The following FAM222B variants were observed in gnomAD, a reference collection of about 807,000 sequenced individuals.
FAM222B encodes the protein protein FAM222B.
FAM222B carries 12 observed loss-of-function variants against 38.0 expected under a neutral mutation model. The observed-to-expected ratio is 0.32, with a 90% CI of 0.20 to 0.51. The LOEUF is 0.51. Ranked by LOEUF, FAM222B falls within the 20% of genes least tolerant of loss-of-function variation. FAM222B has a pLI of 0.97. For missense variants in FAM222B, 716 were observed against 754.2 expected (o/e 0.95, Z 0.59); for synonymous variants, 329 against 317.2 (o/e 1.04, Z -0.40).
chr17:28,817,523 C>T (rs2038067740), intron 1 of FAM222B, among the ~76,000 whole-genome samples: 1 of 152,130 alleles, frequency 6.6e-6, no homozygotes, highest in South Asian at 2.1e-4. Context: ...GAGTTCGAGA[C>T]CAGCCAGGCC....
At chr17:28,796,527 G>A (rs1445397803) in intron 1 of FAM222B, among the ~76,000 whole-genome samples, 1 of 152,094 alleles carries the variant, frequency 6.6e-6, no homozygotes, top group African/African-American at 2.4e-5. Context: ...AAAGCACTGT[G>A]GTCTGATCTC....
At chr17:28,769,432 C>A (rs951454726) in intron 1 of FAM222B, among the ~76,000 whole-genome samples, 2 of 151,618 alleles carry the variant, frequency 1.3e-5, no homozygotes, top group African/African-American at 2.4e-5. Flanking sequence ...CCGCCCGCCT[C>A]GGCCTCCCAA....
At chr17:28,784,936 T>G (rs2036337729) in intron 1 of FAM222B, among the ~76,000 whole-genome samples, 1 of 151,728 alleles carries the variant, frequency 6.6e-6, no homozygotes, top group Non-Finnish European at 1.5e-5. Flanking sequence ...TTTTCCTTTA[T>G]GTAGAGATGG....
At chr17:28,843,781 G>A (rs1461784801), upstream of FAM222B, among the ~76,000 whole-genome samples, 1 of 151,996 alleles carries the variant, frequency 6.6e-6, no homozygotes, top group Non-Finnish European at 1.5e-5. Flanking sequence ...ATCGTGTCTA[G>A]AATGTATCGG....
chr17:28,851,912 C>T (rs112082513), intron 1 of FAM222B, among the ~76,000 whole-genome samples: 1 of 150,386 alleles, frequency 6.6e-6, no homozygotes, highest in African/African-American at 2.4e-5. Flanking sequence ...ATTAGCTGGG[C>T]GTGGTCAGGC....
At chr17:28,852,572 T>C (rs35033748) in intron 1 of FAM222B, among the ~76,000 whole-genome samples, 38,977 of 150,594 alleles carry the variant, frequency 0.26, 5,614 homozygotes, top group African/African-American at 0.37. Flanking sequence ...GTCTGGGAGG[T>C]GGAGGTTGCA....
At chr17:28,836,311 A>G (rs1178351490) in intron 1 of FAM222B, among the ~76,000 whole-genome samples, 1 of 151,802 alleles carries the variant, frequency 6.6e-6, no homozygotes, top group Non-Finnish European at 1.5e-5. Context: ...TAAATGACCT[A>G]TATTTTCCCA....
chr17:28,795,472 T>C (rs2036897786), intron 1 of FAM222B, among the ~76,000 whole-genome samples: 1 of 152,216 alleles, frequency 6.6e-6, no homozygotes, highest in Non-Finnish European at 1.5e-5. Flanking sequence ...TCTCACTCTG[T>C]TGCCCGGGCT....
intron 1 of FAM222B, among the ~76,000 whole-genome samples, chr17:28,835,191 C>T (rs1037542667): frequency 6.6e-6 from 1 of 151,944 alleles, no homozygotes; most frequent in Non-Finnish European, 1.5e-5. Flanking sequence ...ATTACAGGCA[C>T]CTGCCACCAC....
At chr17:28,794,317 C>A (rs1436117126) in intron 1 of FAM222B, among the ~76,000 whole-genome samples, 1 of 151,546 alleles carries the variant, frequency 6.6e-6, no homozygotes, top group Admixed American at 6.6e-5. Flanking sequence ...CTCCCGGGTT[C>A]AAGCAATTCT....
intron 1 of FAM222B, among the ~76,000 whole-genome samples, chr17:28,813,176 G>A (rs562501611): frequency 6.8e-6 from 1 of 147,706 alleles, no homozygotes; most frequent in East Asian, 2.0e-4. Context: ...ACACATAGTT[G>A]GCTCCAACCT....
chr17:28,815,494 G>C (rs543215786), intron 1 of FAM222B, among the ~76,000 whole-genome samples: 1 of 151,810 alleles, frequency 6.6e-6, no homozygotes, highest in East Asian at 2.0e-4. Context: ...GATTACAGGC[G>C]TGAGCCACCG....
intron 1 of FAM222B, among the ~76,000 whole-genome samples, chr17:28,836,414 CGGGCTTGTAGCA>C (rs1395580574): frequency 2.0e-5 from 3 of 151,962 alleles, no homozygotes; most frequent in Non-Finnish European, 4.4e-5. Flanking sequence ...GGCCATGAGG[CGGGCTTGTAGCA>C]GGACAAGCCA....
chr17:28,818,578 A>G (rs926758171), intron 1 of FAM222B, among the ~76,000 whole-genome samples: 4 of 151,840 alleles, frequency 2.6e-5, no homozygotes, highest in Non-Finnish European at 5.9e-5. Context: ...ATAAAAATAA[A>G]AATAACAAGA....
intron 1 of FAM222B, among the ~76,000 whole-genome samples, chr17:28,778,063 GTAT>G (rs1363771626): frequency 7.0e-6 from 1 of 142,744 alleles, no homozygotes; most frequent in Non-Finnish European, 1.5e-5. Flanking sequence ...GTATTGAAAA[GTAT>G]TATTTGGCCT....
At chr17:28,801,028 G>C (rs1347647395) in intron 1 of FAM222B, among the ~76,000 whole-genome samples, 1 of 151,736 alleles carries the variant, frequency 6.6e-6, no homozygotes, top group Non-Finnish European at 1.5e-5. Context: ...CGTGGTGGCA[G>C]GCGCCTGTAA....
chr17:28,766,116 G>A (rs553431490), intron 2 of FAM222B, among the ~76,000 whole-genome samples: 2 of 152,032 alleles, frequency 1.3e-5, no homozygotes, highest in African/African-American at 2.4e-5. Context: ...AAAGCTATCA[G>A]CAACAATTAA....
At chr17:28,767,372 G>A (rs1488534176) in intron 1 of FAM222B, among the ~76,000 whole-genome samples, 1 of 152,178 alleles carries the variant, frequency 6.6e-6, no homozygotes, top group Non-Finnish European at 1.5e-5. Flanking sequence ...TGGCCAGGCT[G>A]GTCTCGAACT....
At chr17:28,829,451 C>G (rs1185266108) in intron 1 of FAM222B, among the ~76,000 whole-genome samples, 2 of 151,934 alleles carry the variant, frequency 1.3e-5, no homozygotes, top group East Asian at 1.9e-4. Context: ...GGATTACAGG[C>G]ATAAACCACT....
Sources: gnomAD v4.1 joint callset for allele counts (sites outside exome capture counted in the v4.1 genomes callset) on GRCh38, gnomAD v4.1.1 for gene constraint, MANE v1.5 for transcripts, NCBI Gene and HGNC (gene_info 2026-07-23, HGNC 2026-07-21) for gene names.